MTOR: variants seen among roughly 807,000 people sequenced by gnomAD.
MTOR encodes serine/threonine-protein kinase mTOR.
In MTOR, 70 loss-of-function variants were observed where a neutral mutation model predicts 319.8. The ratio of observed to expected loss-of-function variants is 0.22; its 90% CI spans 0.18 to 0.27. The LOEUF is 0.27. MTOR is among the 10% of genes least tolerant of loss of function. MTOR has a pLI of 1.00. For missense variants in MTOR, 1,890 were observed against 3,274.4 expected (o/e 0.58, Z 10.32); for synonymous variants, 1,183 against 1,211.4 (o/e 0.98, Z 0.49).
Position 11,109,181 on chromosome 1 carries a change from G to T in MTOR, c.7528+109C>A. 1 of 893,202 alleles carries T rather than the reference G, an allele frequency of 1.1e-6. No homozygotes were observed. The highest frequency in any genetic ancestry group is 1.8e-6 in the Non-Finnish European group (1 of 563,404). 55.3% of individuals were successfully genotyped at this position (893,202 alleles called of 1,614,324 possible). ...AAAGACACTCTTTGTCAGCTGCATG[G>T]TGCCAAAGCTCGTCACTAACACCAC... On this transcript the variant is annotated intron_variant, in intron 56 of 57. Transcript: ENST00000361445. The surrounding 1 kb of genome is among the most constrained non-coding windows in gnomAD (Gnocchi z 4.0).
Position 11,230,973 on chromosome 1 carries a change from C to T in MTOR, c.2731G>A (p.Asp911Asn). 3.1e-6 allele frequency: 5 copies of T among 1,614,132 alleles called. No individual in the cohort carries two copies. Among genetic ancestry groups the T allele is most frequent in the Non-Finnish European group, 4.2e-6 (5 of 1,180,026 alleles). The change falls in exon 18 of 58, where the codon GAT becomes AAT. Residue 911 changes from aspartate (D) to asparagine (N), a missense_variant. Transcript: ENST00000361445. ...TCTGACAGGCTGACAGCAGAGGCAT[C>T]CCGGGACTGGTCTATCATGCCAATG... The part of the protein sequence containing the change: ...VNIGMIDQSR[D>N]ASAVSLSESK...
At chr1:11,206,465 C>G (rs990074853) in intron 25 of MTOR, among the ~76,000 whole-genome samples, 1 of 152,158 alleles carries the variant, frequency 6.6e-6, no homozygotes, top group Non-Finnish European at 1.5e-5. Context: ...CGGTCCACAT[C>G]TGTAAAGTGG....
At position 11,141,621 on chromosome 1, in the gene MTOR, G is replaced by A. The variant is rs545408660; in HGVS notation, c.4873-1963C>T. ...TGACCTCAAGCAATCCACCCACCTC[G>A]GCCTCCTAAAGGGCTGGGATTACAG... On this transcript the variant is annotated intron_variant, in intron 34 of 57. Transcript: ENST00000361445. Among the ~76,000 whole-genome samples the A allele has an allele frequency of 9.9e-5, 15 of 151,430 alleles. No homozygotes were observed. The East Asian group carries it at 1.8e-3, about 18-fold the overall frequency.
At chr1:11,114,634 G>T (rs1642068871) in intron 52 of MTOR, 179 bp downstream of exon 52, 4 of 1,029,840 alleles carry the variant, frequency 3.9e-6, no homozygotes, top group Non-Finnish European at 5.7e-6. Flanking sequence ...CAGGTCAGAA[G>T]TGAAGTGGTA....
At position 11,212,747 on chromosome 1, in the gene MTOR, C is replaced by T. The variant is rs1210150534; in HGVS notation, c.3398+49G>A. 4 of 1,477,164 alleles carry T rather than the reference C, an allele frequency of 2.7e-6. No individual in the cohort carries two copies. Among genetic ancestry groups the T allele is most frequent in the Non-Finnish European group, 3.8e-6 (4 of 1,063,140 alleles). 91.5% of individuals were successfully genotyped at this position (1,477,164 alleles called of 1,614,324 possible). On this transcript the variant is annotated intron_variant, in intron 22 of 57. Transcript: ENST00000361445. The surrounding 1 kb of genome is among the most constrained non-coding windows in gnomAD (Gnocchi z 4.1). Reference sequence around the variant, plus strand: ...GAACTTAAGAAATGAACATTTTCAACAAAACATTAAAGCTTAAAGATTGCT... The same window carrying T: ...GAACTTAAGAAATGAACATTTTCAATAAAACATTAAAGCTTAAAGATTGCT...
chr1:11,259,075 G>A (rs1650785819), intron 2 of MTOR, among the ~76,000 whole-genome samples, 173 bp downstream of exon 2: 1 of 152,204 alleles, frequency 6.6e-6, no homozygotes, highest in Non-Finnish European at 1.5e-5. Flanking sequence ...ACAAAAATGT[G>A]CAACTGCTGC....
At chr1:11,166,686 C>T (rs1194862143) in intron 29 of MTOR, among the ~76,000 whole-genome samples, 5 of 152,122 alleles carry the variant, frequency 3.3e-5, no homozygotes, top group Admixed American at 6.6e-5. Context: ...GACAGTGTGG[C>T]GATTCCTCAA....
chr1:11,160,463 C>T (rs1644444934), intron 29 of MTOR, among the ~76,000 whole-genome samples: 1 of 152,142 alleles, frequency 6.6e-6, no homozygotes, highest in African/African-American at 2.4e-5. Flanking sequence ...TGAGGATTAA[C>T]TGTGGCCTAG....
chr1:11,247,495 T>C (rs986433345), intron 8 of MTOR, 130 bp downstream of exon 8: 1 of 748,226 alleles, frequency 1.3e-6, no homozygotes, highest in African/African-American at 1.7e-5. Flanking sequence ...GCATTGAAAT[T>C]GGACATGAGA....
At chr1:11,189,804 C>T (rs759812985) in intron 28 of MTOR, 9 of 1,614,080 alleles carry the variant, frequency 5.6e-6, no homozygotes, top group Non-Finnish European at 7.6e-6. Context: ...GGGACTGGGT[C>T]AGCGTGGTCA....
chr1:11,136,127 C>T (rs1375882556), intron 36 of MTOR, among the ~76,000 whole-genome samples: 2 of 152,030 alleles, frequency 1.3e-5, no homozygotes, highest in African/African-American at 4.8e-5. Context: ...AGAGCGAAAC[C>T]CTGTCTCAAA....
chr1:11,121,513 A>G lies in MTOR; in HGVS notation c.6811-145T>C. ...AGGAGAAGGGAAATAAGAACATGGC[A>G]AAAGGAGAAACGAAGTGACCACTCT... On this transcript the variant is annotated intron_variant, in intron 48 of 57. Transcript: ENST00000361445. The surrounding 1 kb of genome is among the most constrained non-coding windows in gnomAD (Gnocchi z 4.9). 8.5e-7 allele frequency: 1 copy of G among 1,171,036 alleles called. No individual in the cohort carries two copies. The highest frequency in any genetic ancestry group is 1.2e-6 in the Non-Finnish European group (1 of 841,758). The allele number at this position is 1,171,036 out of a possible 1,614,324, so 72.5% of individuals were successfully genotyped here. A position where few individuals can be genotyped will look rare whatever the true frequency, so the allele number is the denominator to read the frequency against.
intron 49 of MTOR, among the ~76,000 whole-genome samples, chr1:11,119,289 G>A (rs188419209): frequency 3.3e-5 from 5 of 151,618 alleles, no homozygotes; most frequent in Admixed American, 2.6e-4. Context: ...AAGAGTGGCC[G>A]GGAACGGTGG....
At chr1:11,226,316 A>T (rs1646835113) in intron 19 of MTOR, 1 of 152,188 alleles carries the variant, frequency 6.6e-6, no homozygotes, top group Non-Finnish European at 1.5e-5. Flanking sequence ...AGCATGGCCC[A>T]TATGCAAGGA....
intron 3 of MTOR, among the ~76,000 whole-genome samples, chr1:11,258,248 T>C (rs1283078429): frequency 6.6e-6 from 1 of 152,226 alleles, no homozygotes; most frequent in Non-Finnish European, 1.5e-5. Flanking sequence ...GAAAGCTGGC[T>C]TCTAGTCTCA....
At chr1:11,237,737 T>C (rs1647403912) in intron 13 of MTOR, 106 bp downstream of exon 13, 1 of 1,257,754 alleles carries the variant, frequency 8.0e-7, no homozygotes. Flanking sequence ...ACCAGGTACC[T>C]CAATCTTTCT....
intron 28 of MTOR, chr1:11,194,508 G>C (rs542785234): frequency 2.5e-6 from 4 of 1,614,124 alleles, no homozygotes; most frequent in Non-Finnish European, 3.4e-6. Flanking sequence ...ACTTTGTTTT[G>C]GGCAATGAAC....
In MTOR at chr1:11,109,433, G is replaced by T; in HGVS notation, c.7448-63C>A. The T allele has an allele frequency of 2.0e-6, 3 of 1,463,666 alleles. No individual in the cohort carries two copies. Among genetic ancestry groups the T allele is most frequent in the Non-Finnish European group, 2.8e-6 (3 of 1,052,642 alleles). 90.7% of individuals were successfully genotyped at this position (1,463,666 alleles called of 1,614,324 possible). ...GAGCAATACAACAGGTTCAATGGGT[G>T]CCCTGTTTTTCTCAAATATTCACTT... On this transcript the variant is annotated intron_variant, in intron 55 of 57. Transcript: ENST00000361445. The surrounding 1 kb of genome is among the most constrained non-coding windows in gnomAD (Gnocchi z 4.0).
At chr1:11,161,661 C>T (rs932414771) in intron 29 of MTOR, among the ~76,000 whole-genome samples, 4 of 152,168 alleles carry the variant, frequency 2.6e-5, no homozygotes, top group Admixed American at 2.6e-4. Flanking sequence ...ACTGGTGATA[C>T]CCAGGCAAAC....
Sources: gnomAD v4.1 joint callset for allele counts (sites outside exome capture counted in the v4.1 genomes callset) on GRCh38, gnomAD v4.1.1 for gene constraint, Gnocchi (gnomAD v3.1) non-coding constraint, MANE v1.5 for transcripts, NCBI Gene and HGNC (gene_info 2026-07-23, HGNC 2026-07-21) for gene names.